PKNOX2: variants seen among roughly 807,000 people sequenced by gnomAD.
PKNOX2 encodes PBX/knotted 1 homeobox 2, also known as homeobox protein PKNOX2.
A neutral mutation model predicts 53.1 loss-of-function variants in PKNOX2; 14 were observed. The ratio of observed to expected loss-of-function variants is 0.26; its 90% CI spans 0.17 to 0.41. The LOEUF is 0.41. Ranked by LOEUF, PKNOX2 falls within the 10% of genes least tolerant of loss-of-function variation. The pLI, the probability that PKNOX2 is intolerant of heterozygous loss-of-function variation, is 1.00. For synonymous variants in PKNOX2, 257 were observed against 242.8 expected (o/e 1.06, Z -0.54); for missense variants, 496 against 602.8 (o/e 0.82, Z 1.85).
intron 7 of PKNOX2, among the ~76,000 whole-genome samples, chr11:125,406,756 C>G (rs917762957): frequency 1.3e-5 from 2 of 151,902 alleles, no homozygotes; most frequent in African/African-American, 4.8e-5. Context: ...GTCCTGCTGA[C>G]CCCATGGGGT....
intron 2 of PKNOX2, among the ~76,000 whole-genome samples, chr11:125,271,337 G>A (rs970198308): frequency 3.9e-5 from 6 of 152,162 alleles, no homozygotes; most frequent in South Asian, 2.1e-4. Flanking sequence ...TTTGTACACC[G>A]TGTCAATCTG....
chr11:125,253,745 T>C (rs1422310960), intron 2 of PKNOX2, among the ~76,000 whole-genome samples: 1 of 152,040 alleles, frequency 6.6e-6, no homozygotes, highest in Non-Finnish European at 1.5e-5. Flanking sequence ...AATAAATAAA[T>C]GCTATTAGGG....
chr11:125,429,176 A>G, intron 11 of PKNOX2, 88 bp downstream of exon 11: 1 of 1,291,978 alleles, frequency 7.7e-7, no homozygotes. Context: ...AGAGACTCGA[A>G]TGCCAGGATC....
At chr11:125,311,430 GAC>G (rs1221858319) in intron 2 of PKNOX2, among the ~76,000 whole-genome samples, 1 of 152,196 alleles carries the variant, frequency 6.6e-6, no homozygotes, top group Admixed American at 6.5e-5. Context: ...GGAGGAGGCA[GAC>G]ACACAAGTTG....
intron 1 of PKNOX2, among the ~76,000 whole-genome samples, chr11:125,175,795 T>C (rs1391244040): frequency 6.6e-6 from 1 of 152,162 alleles, no homozygotes; most frequent in Non-Finnish European, 1.5e-5. Context: ...CAATAACACC[T>C]ACTGTCGGGG....
chr11:125,379,127 G>A (rs1362463714), intron 5 of PKNOX2, among the ~76,000 whole-genome samples: 4 of 148,858 alleles, frequency 2.7e-5, no homozygotes, highest in Admixed American at 6.8e-5. Flanking sequence ...GTGGCGAGAT[G>A]TCGGCTCACT....
At chr11:125,190,764 C>T (rs1296024652) in intron 1 of PKNOX2, among the ~76,000 whole-genome samples, 1 of 152,208 alleles carries the variant, frequency 6.6e-6, no homozygotes, top group Non-Finnish European at 1.5e-5. Flanking sequence ...TCAAGCCCAG[C>T]AGGGATTCCC....
At chr11:125,424,688 G>A (rs553331007) in intron 10 of PKNOX2, among the ~76,000 whole-genome samples, 6 of 152,266 alleles carry the variant, frequency 3.9e-5, no homozygotes, top group South Asian at 2.1e-4. Context: ...GACAGGCTGC[G>A]GCTTCCCATC....
intron 1 of PKNOX2, among the ~76,000 whole-genome samples, chr11:125,206,713 T>C (rs1450692677): frequency 1.3e-5 from 2 of 152,210 alleles, no homozygotes; most frequent in African/African-American, 4.8e-5. Context: ...ATTGAGATGT[T>C]GTGAGGACTG....
chr11:125,277,220 C>T (rs1946230190), intron 2 of PKNOX2, among the ~76,000 whole-genome samples: 1 of 152,044 alleles, frequency 6.6e-6, no homozygotes, highest in African/African-American at 2.4e-5. Context: ...AGCAAAAGCT[C>T]ATGGGATGCC....
At chr11:125,356,620 C>G (rs1159279402) in intron 4 of PKNOX2, among the ~76,000 whole-genome samples, 5 of 152,220 alleles carry the variant, frequency 3.3e-5, no homozygotes. Flanking sequence ...ACAACATTGT[C>G]TCACTTACCC....
intron 2 of PKNOX2, among the ~76,000 whole-genome samples, chr11:125,272,711 C>T (rs982521857): frequency 2.0e-5 from 3 of 152,162 alleles, no homozygotes; most frequent in African/African-American, 2.4e-5. Context: ...GAGGAACAGC[C>T]GCCTTCTTTG....
At chr11:125,280,273 G>A (rs1452978651) in intron 2 of PKNOX2, among the ~76,000 whole-genome samples, 1 of 152,106 alleles carries the variant, frequency 6.6e-6, no homozygotes, top group Non-Finnish European at 1.5e-5. Context: ...TGCACCTCGT[G>A]ACAGCGTGAA....
chr11:125,210,989 T>G (rs984577788), intron 1 of PKNOX2, among the ~76,000 whole-genome samples: 2 of 152,176 alleles, frequency 1.3e-5, no homozygotes, highest in Non-Finnish European at 2.9e-5. Flanking sequence ...ATAATAATGT[T>G]AATCTTGAAC....
chr11:125,341,086 G>C (rs1007498372), intron 3 of PKNOX2, among the ~76,000 whole-genome samples: 2 of 146,074 alleles, frequency 1.4e-5, no homozygotes, highest in African/African-American at 5.2e-5. Context: ...AGCCGGCCAG[G>C]CACAGTGACT....
Position 125,255,486 on chromosome 11 carries a change from TATTCAA to T in PKNOX2, c.-130+20372_-130+20377del, listed in dbSNP as rs1366316359. ...GAGCAACCTGGGCATTTTGTTCCTT[TATTCAA>T]CCAATGCTTATGGAGAGCTTGCCCC... On this transcript the variant is annotated intron_variant, in intron 2 of 12. Coordinates refer to ENST00000298282, the MANE Select transcript of PKNOX2 (RefSeq NM_001382323.2). Among the ~76,000 whole-genome samples, 13 of 152,324 alleles carry T rather than the reference TATTCAA, an allele frequency of 8.5e-5. No homozygotes were observed. In the East Asian group the frequency reaches 2.5e-3, roughly 29 times the overall value.
At chr11:125,362,939 C>T (rs918893798) in intron 4 of PKNOX2, among the ~76,000 whole-genome samples, 2 of 152,202 alleles carry the variant, frequency 1.3e-5, no homozygotes, top group African/African-American at 4.8e-5. Context: ...AGCCCTGACT[C>T]TTCCCACTCC....
chr11:125,266,487 G>C (rs528674196), intron 2 of PKNOX2, among the ~76,000 whole-genome samples: 2 of 152,206 alleles, frequency 1.3e-5, no homozygotes, highest in East Asian at 3.9e-4. Context: ...TTTCTGAAGG[G>C]GTGGGATTAT....
intron 4 of PKNOX2, among the ~76,000 whole-genome samples, chr11:125,362,974 C>T (rs1196435721): frequency 6.6e-6 from 1 of 152,198 alleles, no homozygotes; most frequent in Non-Finnish European, 1.5e-5. Flanking sequence ...AAAGAAGGAA[C>T]CTTCAAACCA....
Sources: gnomAD v4.1 joint callset for allele counts (sites outside exome capture counted in the v4.1 genomes callset) on GRCh38, gnomAD v4.1.1 for gene constraint, MANE v1.5 for transcripts, NCBI Gene and HGNC (gene_info 2026-07-23, HGNC 2026-07-21) for gene names.